The following ATXN10 variants were observed in gnomAD, a reference collection of about 807,000 sequenced individuals.
ATXN10 encodes ataxin-10.
Under a neutral mutation model 52.9 loss-of-function variants are expected in ATXN10, and 28 were observed. The ratio of observed to expected loss-of-function variants is 0.53; its 90% CI spans 0.39 to 0.73. The LOEUF (loss-of-function observed/expected upper bound fraction) is 0.73, where lower values mean the gene tolerates loss of function less well. Ranked by LOEUF, ATXN10 falls within the 30% of genes least tolerant of loss-of-function variation. The probability of loss-of-function intolerance (pLI) is 0.00; values close to 1 mark genes in which losing one functional copy is unlikely to be tolerated. For missense variants in ATXN10, 565 were observed against 577.0 expected (o/e 0.98, Z 0.21); for synonymous variants, 226 against 221.5 (o/e 1.02, Z -0.18).
intron 9 of ATXN10, among the ~76,000 whole-genome samples, chr22:45,755,388 A>G (rs1270224101): frequency 6.6e-6 from 1 of 152,206 alleles, no homozygotes; most frequent in African/African-American, 2.4e-5. Flanking sequence ...ATTTCTAATC[A>G]TAACAAACTC....
intron 1 of ATXN10, chr22:45,674,263 G>A (rs753757029): frequency 1.3e-5 from 2 of 152,238 alleles, no homozygotes; most frequent in African/African-American, 4.8e-5. Context: ...TGGATTGTGG[G>A]GGGGAGAATG....
chr22:45,784,368 G>A lies in ATXN10; in HGVS notation c.1174-22591G>A, dbSNP rs1927252829. 6.6e-6 allele frequency among the ~76,000 whole-genome samples: 1 copy of A among 152,120 alleles called. No individual in the cohort carries two copies. The highest frequency in any genetic ancestry group is 1.5e-5 in the Non-Finnish European group (1 of 68,020). ...CATGGAAGAGATTTGTAATATAGTA[G>A]GATACTTGGCACGTTTCCTTTCCCT... On this transcript the variant is annotated intron_variant, in intron 9 of 11. Coordinates refer to ENST00000252934, the MANE Select transcript of ATXN10 (RefSeq NM_013236.4). This position sits in a 1 kb window ranked among gnomAD's most constrained non-coding sequence, Gnocchi z 4.2.
At chr22:45,808,420 C>CGTCTTTG (rs1928173477) in intron 10 of ATXN10, among the ~76,000 whole-genome samples, 2 of 152,168 alleles carry the variant, frequency 1.3e-5, no homozygotes, top group Non-Finnish European at 2.9e-5. Context: ...TTAGCAAAGA[C>CGTCTTTG]CAGAAAATAA....
rs1243827712 is a variant in ATXN10 at position 45,787,607 on chromosome 22, C to G, written c.1174-19352C>G. ...AACGTTCTCATCAATACTTTGGTGG[C>G]TCTTCCCATATCCCAGCTTTGGACA... is the stretch of plus-strand genomic sequence containing the variant. On this transcript the variant is annotated intron_variant, in intron 9 of 11. Coordinates refer to ENST00000252934, the MANE Select transcript of ATXN10 (RefSeq NM_013236.4). This position sits in a 1 kb window ranked among gnomAD's most constrained non-coding sequence, Gnocchi z 4.2. Among the ~76,000 whole-genome samples, 1 of 152,162 alleles carries G rather than the reference C, an allele frequency of 6.6e-6. No individual in the cohort carries two copies. The highest frequency in any genetic ancestry group is 1.9e-4 in the East Asian group (1 of 5,204).
rs145320242 is a variant in ATXN10 at position 45,722,715 on chromosome 22, C to T, written c.728+4222C>T. Among the ~76,000 whole-genome samples the T allele has an allele frequency of 4.9e-4, 75 of 152,138 alleles. No individual in the cohort carries two copies. The Middle Eastern group carries it at 0.01, about 21-fold the overall frequency. ...CTCCCTGCACCTCATCCGCTTGGAC[C>T]CCCGGAGTCTCCTGTTGCTGCTGAA... On this transcript the variant is annotated intron_variant, in intron 6 of 11. Coordinates refer to ENST00000252934, the MANE Select transcript of ATXN10 (RefSeq NM_013236.4).
chr22:45,796,731 CA>C (rs1193406895), intron 9 of ATXN10, among the ~76,000 whole-genome samples: 2 of 152,198 alleles, frequency 1.3e-5, no homozygotes, highest in African/African-American at 4.8e-5. Flanking sequence ...CTCCTGACCT[CA>C]AATTATCCTC....
At position 45,784,589 on chromosome 22, in the gene ATXN10, A is replaced by C. The variant is rs990434375; in HGVS notation, c.1174-22370A>C. ...CTGTCAGGAGGTGTGGATGGCAGGC[A>C]CGGGAGAAGGGACAGGAGGCTGGCT... On this transcript the variant is annotated intron_variant, in intron 9 of 11. Transcript: ENST00000252934. The surrounding 1 kb of genome is among the most constrained non-coding windows in gnomAD (Gnocchi z 4.2). Among the ~76,000 whole-genome samples, 1 of 152,148 alleles carries C rather than the reference A, an allele frequency of 6.6e-6. No individual in the cohort carries two copies. The highest frequency in any genetic ancestry group is 1.5e-5 in the Non-Finnish European group (1 of 68,028).
rs1224248631 is a variant in ATXN10, at chr22:45,769,715, G to A, written c.1173+29177G>A. ...CCAGCCTTGGGCATCTTCCTGGCCA[G>A]GAGCCAGGCCTCTTTTCTCTTGCCT... On this transcript the variant is annotated intron_variant, in intron 9 of 11. Transcript: ENST00000252934. The surrounding 1 kb of genome is among the most constrained non-coding windows in gnomAD (Gnocchi z 4.2). 3.3e-5 allele frequency among the ~76,000 whole-genome samples: 5 copies of A among 152,150 alleles called. No individual in the cohort carries two copies. Among genetic ancestry groups the A allele is most frequent in the Non-Finnish European group, 7.4e-5 (5 of 68,008 alleles).
At chr22:45,706,934 CTTCTG>C (rs1185202183) in intron 5 of ATXN10, among the ~76,000 whole-genome samples, 1 of 152,074 alleles carries the variant, frequency 6.6e-6, no homozygotes, top group South Asian at 2.1e-4. Context: ...TCTTGCTGAT[CTTCTG>C]TTCTAGTTCT....
intron 9 of ATXN10, among the ~76,000 whole-genome samples, chr22:45,804,810 C>T (rs1360642399): frequency 6.6e-6 from 1 of 152,132 alleles, no homozygotes; most frequent in East Asian, 1.9e-4. Context: ...TTCCTGTTTC[C>T]TCCACCCCAT....
rs962023376 is a variant in ATXN10 at position 45,826,252 on chromosome 22, C to G, written c.1238-16739C>G. The stretch of plus-strand genomic sequence containing the variant: ...CTAGGACAATGGAAAATATTAAGTC[C>G]AACAAGCAGAAAGAAAAAAGGTTGT... On this transcript the variant is annotated intron_variant, in intron 10 of 11. Transcript: ENST00000252934. The surrounding 1 kb of genome is among the most constrained non-coding windows in gnomAD (Gnocchi z 5.0). 6.6e-5 allele frequency among the ~76,000 whole-genome samples: 10 copies of G among 152,026 alleles called. No homozygotes were observed. The highest frequency in any genetic ancestry group is 4.2e-4 in the South Asian group (2 of 4,800).
chr22:45,800,632 T>TA (rs1476467287), intron 9 of ATXN10, among the ~76,000 whole-genome samples: 5 of 152,222 alleles, frequency 3.3e-5, no homozygotes, highest in African/African-American at 1.2e-4. Context: ...CATGAAAAGA[T>TA]ACAGATGCAT....
chr22:45,813,323 A>T (rs1053765299), intron 10 of ATXN10, among the ~76,000 whole-genome samples: 1 of 140,610 alleles, frequency 7.1e-6, no homozygotes. Context: ...GTTGTCCTTG[A>T]TGTGGGTTTG....
rs1291396512 is a variant in ATXN10, at chr22:45,818,554, C to T, written c.1237+11532C>T. Among the ~76,000 whole-genome samples, 1 of 152,136 alleles carries T rather than the reference C, an allele frequency of 6.6e-6. No homozygotes were observed. Among genetic ancestry groups the T allele is most frequent in the African/African-American group, 2.4e-5 (1 of 41,422 alleles). On this transcript the variant is annotated intron_variant, in intron 10 of 11. Coordinates refer to ENST00000252934, the MANE Select transcript of ATXN10 (RefSeq NM_013236.4). This position sits in a 1 kb window ranked among gnomAD's most constrained non-coding sequence, Gnocchi z 4.6. The stretch of plus-strand genomic sequence containing the variant: ...TCTCAGTGTGAGCCATGTGGGCGGT[C>T]CTTTTTGGTTTGAAGGTGACCACCC...
rs147013430 is a variant in ATXN10, at chr22:45,700,855, TG to T, written c.488+479del. Among the ~76,000 whole-genome samples the T allele has an allele frequency of 8.9e-3, 1,353 of 152,314 alleles. 13 individuals are homozygous for T. Among genetic ancestry groups the T allele is most frequent in the African/African-American group, 0.03 (1,260 of 41,562 alleles). The stretch of plus-strand genomic sequence containing the variant: ...TGTTTTGGAAGATAAGAAGAAGATG[TG>T]GATAAACAATCAGTTTATCCATGTA... On this transcript the variant is annotated intron_variant, in intron 4 of 11. Coordinates refer to ENST00000252934, the MANE Select transcript of ATXN10 (RefSeq NM_013236.4).
At chr22:45,817,526 C>T (rs1161893140) in intron 10 of ATXN10, among the ~76,000 whole-genome samples, 3 of 151,892 alleles carry the variant, frequency 2.0e-5, no homozygotes, top group Non-Finnish European at 1.5e-5. Context: ...GGTTTCACCA[C>T]GTTGGCCAGA....
intron 1 of ATXN10, among the ~76,000 whole-genome samples, chr22:45,682,318 T>G (rs1922956779): frequency 1.3e-5 from 2 of 151,978 alleles, no homozygotes; most frequent in South Asian, 4.2e-4. Context: ...TAGCTGGACT[T>G]CTTTGTTTTT....
chr22:45,778,126 A>G (rs963144230), intron 9 of ATXN10, among the ~76,000 whole-genome samples: 5 of 152,224 alleles, frequency 3.3e-5, no homozygotes, highest in Admixed American at 1.3e-4. Context: ...CTTTACAGAA[A>G]AAGTTTGCTG....
chr22:45,752,657 G>C (rs1039235322), intron 9 of ATXN10, among the ~76,000 whole-genome samples: 2 of 152,090 alleles, frequency 1.3e-5, no homozygotes, highest in African/African-American at 2.4e-5. Flanking sequence ...GGGAACTAAG[G>C]GTTAGGCCAT....
Sources: gnomAD v4.1 joint callset for allele counts (sites outside exome capture counted in the v4.1 genomes callset) on GRCh38, gnomAD v4.1.1 for gene constraint, Gnocchi (gnomAD v3.1) non-coding constraint, MANE v1.5 for transcripts, NCBI Gene and HGNC (gene_info 2026-07-23, HGNC 2026-07-21) for gene names.